Variants in SCAPER observed in about 807,000 individuals in gnomAD.
The protein encoded by SCAPER is S-phase cyclin A associated protein in the ER, also known as S phase cyclin A-associated protein in the endoplasmic reticulum.
A neutral mutation model predicts 182.2 loss-of-function variants in SCAPER; 98 were observed. The ratio of observed to expected loss-of-function variants is 0.54; its 90% CI spans 0.46 to 0.64. SCAPER has a LOEUF of 0.64. Among genes scored for constraint, SCAPER ranks in the 30% least tolerant of loss-of-function variants. The pLI, the probability that SCAPER is intolerant of heterozygous loss-of-function variation, is 0.00. For synonymous variants in SCAPER, 605 were observed against 564.6 expected (o/e 1.07, Z -1.01); for missense variants, 1,432 against 1,690.0 (o/e 0.85, Z 2.68).
intron 8 of SCAPER, among the ~76,000 whole-genome samples, chr15:76,787,064 A>G (rs2064662996): frequency 1.3e-5 from 2 of 152,148 alleles, no homozygotes; most frequent in Non-Finnish European, 1.5e-5. Flanking sequence ...AAATTGATTA[A>G]CTCTCTCTAA....
In SCAPER at chr15:76,850,357, T is replaced by C. The variant is rs1416788513; in HGVS notation, c.195+7452A>G. Among the ~76,000 whole-genome samples the C allele has an allele frequency of 1.4e-4, 21 of 152,118 alleles. 1 individual carries two copies. The highest frequency in any genetic ancestry group is 2.9e-4 in the Non-Finnish European group (20 of 68,030). ...TTCACTAGGCAGGGCCCATGGCTCA[T>C]GAATGCAGAACAGTCACCCCAGCCA... On this transcript the variant is annotated intron_variant, in intron 4 of 31. Coordinates refer to ENST00000563290, the MANE Select transcript of SCAPER (RefSeq NM_020843.4).
At chr15:76,858,687 T>G (rs751827278) in intron 3 of SCAPER, among the ~76,000 whole-genome samples, 42 of 152,182 alleles carry the variant, frequency 2.8e-4, no homozygotes, top group South Asian at 2.1e-4. Context: ...ATGTACTCAA[T>G]GTTTAGTTCC....
chr15:76,456,612 T>C (rs917937908), intron 25 of SCAPER, among the ~76,000 whole-genome samples: 1 of 152,230 alleles, frequency 6.6e-6, no homozygotes, highest in East Asian at 1.9e-4. Context: ...GTCAAAGTGG[T>C]TGATAATGGT....
chr15:76,866,044 C>G (rs933785193), intron 2 of SCAPER, among the ~76,000 whole-genome samples: 10 of 152,176 alleles, frequency 6.6e-5, no homozygotes, highest in African/African-American at 2.2e-4. Context: ...TTAGCTTAAG[C>G]ACATCTCCCA....
intron 27 of SCAPER, among the ~76,000 whole-genome samples, chr15:76,387,619 G>C (rs2043371332): frequency 6.6e-6 from 1 of 152,144 alleles, no homozygotes; most frequent in Non-Finnish European, 1.5e-5. Context: ...GAGATGAAAA[G>C]AAACCAGCAA....
chr15:76,580,512 T>C (rs1285645487), intron 22 of SCAPER, among the ~76,000 whole-genome samples: 2 of 152,154 alleles, frequency 1.3e-5, no homozygotes, highest in Non-Finnish European at 2.9e-5. Context: ...CCTAGCACTT[T>C]GGGAGGCTAA....
At chr15:76,869,423 CAAAT>C (rs2072537066) in intron 2 of SCAPER, among the ~76,000 whole-genome samples, 1 of 151,750 alleles carries the variant, frequency 6.6e-6, no homozygotes, top group Non-Finnish European at 1.5e-5. Flanking sequence ...TAGCAAAACA[CAAAT>C]AATCCAAATT....
chr15:76,703,557 G>A (rs1215801652), intron 18 of SCAPER, among the ~76,000 whole-genome samples: 1 of 152,012 alleles, frequency 6.6e-6, no homozygotes, highest in Non-Finnish European at 1.5e-5. Context: ...TCAGACCTTT[G>A]TCCTTATACT....
chr15:76,455,366 A>T (rs1398507076), intron 25 of SCAPER, among the ~76,000 whole-genome samples: 3 of 152,242 alleles, frequency 2.0e-5, no homozygotes, highest in African/African-American at 7.2e-5. Flanking sequence ...TTCTAAATGT[A>T]TATATGGATC....
At chr15:76,621,448 C>T (rs1362838013) in intron 22 of SCAPER, among the ~76,000 whole-genome samples, 1 of 150,304 alleles carries the variant, frequency 6.7e-6, no homozygotes, top group East Asian at 2.0e-4. Flanking sequence ...GATTCTCAAC[C>T]TTGGTACTAT....
chr15:76,897,531 C>T (rs2074505511), intron 1 of SCAPER, among the ~76,000 whole-genome samples: 1 of 152,012 alleles, frequency 6.6e-6, no homozygotes, highest in Admixed American at 6.6e-5. Flanking sequence ...CATGGCAAAA[C>T]CCCATCGCTA....
chr15:76,647,007 G>A (rs953641761), intron 21 of SCAPER, among the ~76,000 whole-genome samples: 1 of 152,130 alleles, frequency 6.6e-6, no homozygotes, highest in Non-Finnish European at 1.5e-5. Flanking sequence ...TATGCAATTT[G>A]TTTCTCCCTT....
intron 1 of SCAPER, among the ~76,000 whole-genome samples, chr15:76,901,817 T>A (rs2074806113): frequency 6.6e-6 from 1 of 152,130 alleles, no homozygotes. Flanking sequence ...CCTCCCGGAT[T>A]CAAGCGATTC....
rs1240521949 is a variant in SCAPER at position 76,788,614 on chromosome 15, T to C, written c.772+6666A>G. On this transcript the variant is annotated intron_variant, in intron 8 of 31. Coordinates refer to ENST00000563290, the MANE Select transcript of SCAPER (RefSeq NM_020843.4). Reference sequence around the variant, plus strand: ...AAATACAAAACTGTATGTTCGTATGTTGTATGTTTATTTTAAAATAAATAT... The same window carrying C: ...AAATACAAAACTGTATGTTCGTATGCTGTATGTTTATTTTAAAATAAATAT... Among the ~76,000 whole-genome samples, 3 of 152,160 alleles carry C rather than the reference T, an allele frequency of 2.0e-5. No homozygotes were observed. The East Asian group carries it at 5.8e-4, about 29-fold the overall frequency.
chr15:76,647,116 G>A, intron 21 of SCAPER, among the ~76,000 whole-genome samples: 1 of 152,118 alleles, frequency 6.6e-6, no homozygotes, highest in Admixed American at 6.6e-5. Context: ...CCTACCATGT[G>A]CAGAAAACTA....
At position 76,733,396 on chromosome 15, in the gene SCAPER, CAAA is replaced by C. The variant is rs766023507; in HGVS notation, c.1867-15_1867-13del. On this transcript the variant is annotated splice_polypyrimidine_tract_variant and intron_variant, in intron 15 of 31. Transcript: ENST00000563290. ...GCAATTTCATTTACCTTTAAAAAAA[CAAA>C]GAAGGTAAGGTTCAGATCAAGTTAA... 2.5e-6 allele frequency: 4 copies of C among 1,608,636 alleles called. No homozygotes were observed. In the South Asian group the frequency reaches 4.4e-5, roughly 18 times the overall value.
rs1181399994 is a variant in SCAPER at position 76,601,209 on chromosome 15, A to G, written c.2711+20555T>C. Among the ~76,000 whole-genome samples the G allele has an allele frequency of 2.5e-5, 3 of 121,832 alleles. 1 individual carries two copies. The highest frequency in any genetic ancestry group is 6.0e-5 in the Non-Finnish European group (3 of 50,098). 79.9% of individuals were successfully genotyped at this position (121,832 alleles called of 152,430 possible). A position where few individuals can be genotyped will look rare whatever the true frequency, so the allele number is the denominator to read the frequency against. On this transcript the variant is annotated intron_variant, in intron 22 of 31. Coordinates refer to ENST00000563290, the MANE Select transcript of SCAPER (RefSeq NM_020843.4). ...AAACATTTTTTCTCCATCTAATGAT[A>G]CGTATGTGAGTTTTCTTATTTAGCC...
intron 29 of SCAPER, among the ~76,000 whole-genome samples, chr15:76,362,646 T>C (rs1483534958): frequency 6.6e-6 from 1 of 151,534 alleles, no homozygotes; most frequent in Non-Finnish European, 1.5e-5. Context: ...CTCTTGACCT[T>C]GTGATCTACT....
chr15:76,445,964 C>T (rs1225555421), intron 25 of SCAPER, among the ~76,000 whole-genome samples: 1 of 152,146 alleles, frequency 6.6e-6, no homozygotes, highest in Non-Finnish European at 1.5e-5. Context: ...GTAATATCCA[C>T]TCTTACTGCA....
Sources: allele counts gnomAD v4.1 joint callset (sites outside exome capture counted in the v4.1 genomes callset), GRCh38; gene constraint gnomAD v4.1.1; transcripts MANE v1.5; gene names NCBI Gene and HGNC (gene_info 2026-07-23, HGNC 2026-07-21).